TAP2: variants seen among roughly 807,000 people sequenced by gnomAD.
TAP2 encodes antigen peptide transporter 2.
TAP2 carries 49 observed loss-of-function variants against 74.7 expected under a neutral mutation model. The observed-to-expected ratio is 0.66, with a 90% CI of 0.52 to 0.83. TAP2 has a LOEUF of 0.83. Among genes scored for constraint, TAP2 ranks in the 40% least tolerant of loss-of-function variants. The probability of loss-of-function intolerance (pLI) is 0.00; values close to 1 mark genes in which losing one functional copy is unlikely to be tolerated. For missense variants in TAP2, 739 were observed against 859.0 expected (o/e 0.86, Z 1.75); for synonymous variants, 306 against 368.4 (o/e 0.83, Z 1.94).
At chr6:32,838,319 T>G in intron 1 of TAP2, 82 bp from the exon 2 acceptor site, 1 of 1,470,896 alleles carries the variant, frequency 6.8e-7, no homozygotes, top group East Asian at 2.3e-5. Context: ...CGGCTCCGCC[T>G]AACCCGTCCA....
At position 32,828,844 on chromosome 6, in the gene TAP2, T is replaced by C. The variant is rs1003113026; in HGVS notation, c.*62A>G. On this transcript the variant is annotated 3_prime_UTR_variant, in exon 12 of 12. Transcript: ENST00000374897. ...ACGCCCCTGAGAAGAGGGCCCAGTA[T>C]CCCTGGGGCCTCAGTCCATCAGCCG... The C allele has an allele frequency of 1.3e-6, 2 of 1,511,486 alleles. No individual in the cohort carries two copies. Among genetic ancestry groups the C allele is most frequent in the African/African-American group, 1.4e-5 (1 of 72,406 alleles). 93.6% of individuals were successfully genotyped at this position (1,511,486 alleles called of 1,614,324 possible).
In TAP2 at chr6:32,835,710, C is replaced by A. The variant is rs776829392; in HGVS notation, c.672G>T (p.Arg224=). 2 of 1,613,088 alleles carry A rather than the reference C, an allele frequency of 1.2e-6. No individual in the cohort carries two copies. The highest frequency in any genetic ancestry group is 3.3e-4 in the Middle Eastern group (2 of 6,062). ...FTYTMSRINL[R]IREQLFSSLL... ...GGGAGGAGAAAAGCTGCTCCCGGAT[C>A]CGCAAGTTGATTCGAGACATGGTGT... Residue 224 remains arginine (R), a synonymous_variant, in exon 4 of 12, where the codon CGG becomes CGT. Coordinates refer to ENST00000374897, the MANE Select transcript of TAP2 (RefSeq NM_001290043.2). The surrounding 1 kb of genome is among the most constrained non-coding windows in gnomAD (Gnocchi z 4.0).
chr6:32,829,296 A>G, intron 11 of TAP2, 104 bp downstream of exon 11: 1 of 1,517,418 alleles, frequency 6.6e-7, no homozygotes, highest in Non-Finnish European at 8.9e-7. Flanking sequence ...GACTGTTTCC[A>G]CTAGTAGGTC....
Position 32,828,555 on chromosome 6 carries a change from A to C in TAP2, c.*351T>G. 1 of 995,056 alleles carries C rather than the reference A, an allele frequency of 1.0e-6. No homozygotes were observed. Among genetic ancestry groups the C allele is most frequent in the Non-Finnish European group, 1.2e-6 (1 of 832,108 alleles). The allele number at this position is 995,056 out of a possible 1,614,324, so 61.6% of individuals were successfully genotyped here. ...TATATTGTCTAAATTTTCTATATGA[A>C]TGTATACAGTTCATGTAAGAAGGAA... On this transcript the variant is annotated 3_prime_UTR_variant, in exon 12 of 12. Transcript: ENST00000374897.
downstream of TAP2, among the ~76,000 whole-genome samples, chr6:32,824,541 C>T (rs116904036): frequency 5.2e-3 from 794 of 152,254 alleles, 32 homozygotes; most frequent in East Asian, 0.094. Flanking sequence ...GTGCTATTTA[C>T]ATTCGTTTCT....
At chr6:32,838,324 C>G (rs1447056559) in intron 1 of TAP2, 87 bp from the exon 2 acceptor site, 4 of 1,458,588 alleles carry the variant, frequency 2.7e-6, no homozygotes, top group East Asian at 4.8e-5. Context: ...CCGCCTAACC[C>G]GTCCATCGGC....
chr6:32,832,403 T>C lies in TAP2; in HGVS notation c.1202A>G (p.Asp401Gly), dbSNP rs756805544. 20 of 1,612,828 alleles carry C rather than the reference T, an allele frequency of 1.2e-5. No individual in the cohort carries two copies. In the African/African-American group the frequency reaches 1.6e-4, roughly 13 times the overall value. ...MLSCGLQQMQ[D>G]GELTQGSLLS... is the part of the protein sequence containing the mutation. ...CAGGCTGCCCTGGGTGAGCTCCCCA[T>C]CCTGCATCTGCTGCAGCCCACAGCT... The change falls in exon 7 of 12, where the codon GAT (aspartate) becomes GGT (glycine). Residue 401 changes from aspartate to glycine, a missense_variant. Physicochemically the swap from Asp to Gly is moderately conservative, Grantham distance 94. Coordinates refer to ENST00000374897, the MANE Select transcript of TAP2 (RefSeq NM_001290043.2). This position sits in a 1 kb window ranked among gnomAD's most constrained non-coding sequence, Gnocchi z 5.9.
rs1383757889 is a variant in TAP2 at position 32,829,968 on chromosome 6, T to G, written c.1757A>C (p.Asp586Ala). The G allele has an allele frequency of 6.2e-7, 1 of 1,613,118 alleles. No individual in the cohort carries two copies. The highest frequency in any genetic ancestry group is 1.1e-5 in the South Asian group (1 of 91,088). ...ATGCTCCATTTCCTGGATGAAGTCATCTGCGTGGGCAGCCTGGGCAGCCGC... is the reference window on the plus strand; with the variant it reads ...ATGCTCCATTTCCTGGATGAAGTCAGCTGCGTGGGCAGCCTGGGCAGCCGC... ...VMAAAQAAHA[D>A]DFIQEMEHGI... The change falls in exon 10 of 12, where the codon GAT becomes GCT. Residue 586 changes from aspartate to alanine, a missense_variant. Asp to Ala is a moderately radical substitution (Grantham distance 126, BLOSUM62 -2). Coordinates refer to ENST00000374897, the MANE Select transcript of TAP2 (RefSeq NM_001290043.2).
At chr6:32,822,895 T>A (rs1452993822), downstream of TAP2, among the ~76,000 whole-genome samples, 7 of 150,200 alleles carry the variant, frequency 4.7e-5, no homozygotes, top group Admixed American at 1.3e-4. Flanking sequence ...GATAGTAATA[T>A]CTTCTATCTT....
At chr6:32,831,092 C>A (rs1350488172) in intron 7 of TAP2, among the ~76,000 whole-genome samples, 2 of 152,240 alleles carry the variant, frequency 1.3e-5, no homozygotes, top group Non-Finnish European at 2.9e-5. Context: ...GTGCCCAGTT[C>A]TGTCTTGCTT....
chr6:32,835,848 C>A lies in TAP2; in HGVS notation c.609-75G>T. 1 of 1,604,138 alleles carries A rather than the reference C, an allele frequency of 6.2e-7. No homozygotes were observed. Among genetic ancestry groups the A allele is most frequent in the Non-Finnish European group, 8.5e-7 (1 of 1,172,848 alleles). ...CCAGCGGGTGAAACAGAGGAGCAAG[C>A]CAGGAGTGCAGAGAAGCGCAAAGTC... On this transcript the variant is annotated intron_variant, in intron 3 of 11. Transcript: ENST00000374897. This position sits in a 1 kb window ranked among gnomAD's most constrained non-coding sequence, Gnocchi z 4.0.
At position 32,835,721 on chromosome 6, in the gene TAP2, T is replaced by C. The variant is rs764363057; in HGVS notation, c.661A>G (p.Ile221Val). 3 of 1,612,844 alleles carry C rather than the reference T, an allele frequency of 1.9e-6. No homozygotes were observed. The African/African-American group carries it at 4.0e-5, about 22-fold the overall frequency. Residue 221 changes from isoleucine (I) to valine (V), a missense_variant, in exon 4 of 12, where the codon ATC (isoleucine) becomes GTC (valine). Transcript: ENST00000374897. This position sits in a 1 kb window ranked among gnomAD's most constrained non-coding sequence, Gnocchi z 4.0. ...GGCFTYTMSR[I>V]NLRIREQLFS... ...AGCTGCTCCCGGATCCGCAAGTTGA[T>C]TCGAGACATGGTGTAGGTGAAGCAG...
At position 32,832,058 on chromosome 6, in the gene TAP2, C is replaced by T. The variant is rs1769114682; in HGVS notation, c.1272+275G>A. On this transcript the variant is annotated intron_variant, in intron 7 of 11. Coordinates refer to ENST00000374897, the MANE Select transcript of TAP2 (RefSeq NM_001290043.2). This position sits in a 1 kb window ranked among gnomAD's most constrained non-coding sequence, Gnocchi z 5.9. The stretch of plus-strand genomic sequence containing the variant: ...AGTATACAATATCTTGGATTTGCTT[C>T]AGAATAATATGGGTGGGGGGAAGTG... Among the ~76,000 whole-genome samples the T allele has an allele frequency of 6.6e-6, 1 of 152,058 alleles. No individual in the cohort carries two copies.
chr6:32,825,126 T>TATATATATATA (rs1554230832), downstream of TAP2, among the ~76,000 whole-genome samples: 52 of 140,782 alleles, frequency 3.7e-4, 1 homozygote, highest in South Asian at 1.6e-3. Context: ...TGTCTGTTGG[T>TATATATATATA]TATATACATA....
chr6:32,838,224 G>A lies in TAP2; in HGVS notation c.10C>T (p.Pro4Ser), dbSNP rs1481588373. 2 of 1,571,552 alleles carry A rather than the reference G, an allele frequency of 1.3e-6. No individual in the cohort carries two copies. The highest frequency in any genetic ancestry group is 3.7e-5 in the Admixed American group (2 of 54,050). The change falls in exon 2 of 12, where the codon CCT becomes TCT. Residue 4 changes from proline to serine, a missense_variant. Coordinates refer to ENST00000374897, the MANE Select transcript of TAP2 (RefSeq NM_001290043.2). ...AGGGAGGTCCAGGGTCTCAGGTCAG[G>A]GAGCCGCATGGCTCTGTCAACGGAT... The part of the protein sequence containing the change: MRL[P>S]DLRPWTSLLL...
In TAP2 at chr6:32,838,358, C is replaced by A. The variant is rs1471185268; in HGVS notation, c.-4-121G>T. On this transcript the variant is annotated intron_variant, in intron 1 of 11. Coordinates refer to ENST00000374897, the MANE Select transcript of TAP2 (RefSeq NM_001290043.2). ...GCTTCTCATTTTATCCTATTCAACC[C>A]TGAGAGCTCTCCTGAGTAACCGGTG... 2.9e-3 allele frequency: 3,991 copies of A among 1,359,644 alleles called. 11 individuals are homozygous for A. The highest frequency in any genetic ancestry group is 3.6e-3 in the Non-Finnish European group (3,710 of 1,040,852). 84.2% of individuals were successfully genotyped at this position (1,359,644 alleles called of 1,614,324 possible). A position where few individuals can be genotyped will look rare whatever the true frequency, so the allele number is the denominator to read the frequency against.
In TAP2 at chr6:32,832,743, G is replaced by GAAC. The variant is rs1562331251; in HGVS notation, c.1024_1026dup (p.Val342dup). ...TCATGCTCCTCGGCCCCAAAACTGC[G>GAAC]AACGGTCTGCAGCCCTCCAACGGCT... On this transcript the variant is annotated inframe_insertion, in exon 6 of 12. Coordinates refer to ENST00000374897, the MANE Select transcript of TAP2 (RefSeq NM_001290043.2). The surrounding 1 kb of genome is among the most constrained non-coding windows in gnomAD (Gnocchi z 5.9). 6.2e-7 allele frequency: 1 copy of GAAC among 1,613,060 alleles called. No individual in the cohort carries two copies.
downstream of TAP2, chr6:32,822,183 A>G: frequency 2.1e-6 from 2 of 935,178 alleles, no homozygotes; most frequent in Non-Finnish European, 3.3e-6. Flanking sequence ...TTTCCCTGTG[A>G]TGGTTTTGTC....
chr6:32,824,460 C>G (rs750306862), downstream of TAP2, among the ~76,000 whole-genome samples: 2 of 152,140 alleles, frequency 1.3e-5, no homozygotes, highest in Non-Finnish European at 2.9e-5. Context: ...CTGGATTTTG[C>G]GATATTGTTA....
Sources: allele counts gnomAD v4.1 joint callset (sites outside exome capture counted in the v4.1 genomes callset), GRCh38; gene constraint gnomAD v4.1.1; non-coding constraint Gnocchi (gnomAD v3.1); transcripts MANE v1.5; gene names NCBI Gene and HGNC (gene_info 2026-07-23, HGNC 2026-07-21).